Variants in FNTA observed in about 807,000 individuals in gnomAD.
FNTA encodes protein farnesyltransferase/geranylgeranyltransferase type-1 subunit alpha.
Under a neutral mutation model 55.2 loss-of-function variants are expected in FNTA, and 27 were observed. That is an observed-to-expected ratio of 0.49 (90% CI 0.36 to 0.67). The LOEUF (loss-of-function observed/expected upper bound fraction) is 0.67, where lower values mean the gene tolerates loss of function less well. Among genes scored for constraint, FNTA ranks in the 30% least tolerant of loss-of-function variants. The probability of loss-of-function intolerance (pLI) is 0.00; values close to 1 mark genes in which losing one functional copy is unlikely to be tolerated. For synonymous variants in FNTA, 176 were observed against 170.7 expected, an observed-to-expected ratio of 1.03 and a Z score of -0.24; for missense variants, 422 against 464.7, an observed-to-expected ratio of 0.91 and a Z score of 0.85.
chr8:43,085,229 C>T lies in FNTA; in HGVS notation c.1087C>T (p.Leu363Phe), dbSNP rs765188145. 1 of 1,608,012 alleles carries T rather than the reference C, an allele frequency of 6.2e-7. No individual in the cohort carries two copies. Among genetic ancestry groups the T allele is most frequent in the Non-Finnish European group, 8.5e-7 (1 of 1,177,678 alleles). ...ATATTGGAGATACATTGGAAGATCC[C>T]TTCAAAGCAAACACAGCACAGAAAA... ...KEYWRYIGRS[L>F]QSKHSTENDS... Residue 363 changes from leucine to phenylalanine, a missense_variant, in exon 9 of 9, where the codon CTT becomes TTT. Coordinates refer to ENST00000302279, the MANE Select transcript of FNTA (RefSeq NM_002027.3).
At chr8:43,063,130 G>C in intron 2 of FNTA, 2 of 343,494 alleles carry the variant, frequency 5.8e-6, no homozygotes, top group Non-Finnish European at 1.1e-5. Context: ...CTGTCACCCA[G>C]GCTCGGTGCT....
chr8:43,064,459 C>G (rs890830442), intron 3 of FNTA, among the ~76,000 whole-genome samples: 2 of 151,602 alleles, frequency 1.3e-5, no homozygotes, highest in African/African-American at 2.4e-5. Context: ...ATTACGGGCG[C>G]CCACCACCAC....
rs754643572 is a variant in FNTA at position 43,069,561 on chromosome 8, C to T, written c.408C>T (p.Phe136=). 5.6e-6 allele frequency: 9 copies of T among 1,607,904 alleles called. No homozygotes were observed. In the African/African-American group the frequency reaches 1.2e-4, roughly 22 times the overall value. The change falls in exon 4 of 9, where the codon TTC becomes TTT. Residue 136 remains phenylalanine, a synonymous_variant. Transcript: ENST00000302279. The stretch of plus-strand genomic sequence containing the variant: ...TGTTGTATGTTTGCCCTAGGCATTT[C>T]CGGAGAGTTCTTTTGAAGTCACTTC... The part of the protein sequence containing the change: ...LNAANYTVWH[F]RRVLLKSLQK...
chr8:43,056,350 G>C lies in FNTA; in HGVS notation c.4G>C (p.Ala2Pro). The C allele has an allele frequency of 7.1e-7, 1 of 1,415,510 alleles. No homozygotes were observed. Among genetic ancestry groups the C allele is most frequent in the Non-Finnish European group, 9.2e-7 (1 of 1,092,456 alleles). 87.7% of individuals were successfully genotyped at this position (1,415,510 alleles called of 1,614,324 possible). A position where few individuals can be genotyped will look rare whatever the true frequency, so the allele number is the denominator to read the frequency against. M[A>P]ATEGVGEAAQ... ...CTCAGCTGCGGACCGAGGCGAGATG[G>C]CGGCCACCGAGGGGGTCGGGGAGGC... Residue 2 changes from alanine to proline, a missense_variant, in exon 1 of 9, where the codon GCG becomes CCG. Physicochemically the swap from Ala to Pro is conservative, Grantham distance 27. Transcript: ENST00000302279.
intron 2 of FNTA, 142 bp from the exon 3 acceptor site, chr8:43,063,959 A>C (rs1810594754): frequency 1.6e-6 from 1 of 609,214 alleles, no homozygotes; most frequent in African/African-American, 1.9e-5. Flanking sequence ...GGTGGCGGCC[A>C]CAGCCATTTG....
At chr8:43,060,667 C>T (rs2130541823) in intron 2 of FNTA, among the ~76,000 whole-genome samples, 1 of 98,524 alleles carries the variant, frequency 1.0e-5, no homozygotes, top group Middle Eastern at 5.2e-3. Context: ...AAGAGCAAAA[C>T]TCTGTCTCAA....
At chr8:43,057,600 A>G (rs1319774146) in intron 1 of FNTA, among the ~76,000 whole-genome samples, 1 of 152,216 alleles carries the variant, frequency 6.6e-6, no homozygotes, top group African/African-American at 2.4e-5. Flanking sequence ...CACAATTACT[A>G]GCATTGCGCA....
At chr8:43,083,295 C>A (rs1811061142) in intron 7 of FNTA, 115 bp downstream of exon 7, 1 of 645,494 alleles carries the variant, frequency 1.5e-6, no homozygotes, top group Admixed American at 2.9e-5. Flanking sequence ...TTTCATTTTT[C>A]TGAACCTAAG....
intron 2 of FNTA, among the ~76,000 whole-genome samples, chr8:43,062,209 ATGTAT>A (rs1173948357): frequency 2.0e-5 from 3 of 148,210 alleles, no homozygotes; most frequent in African/African-American, 7.4e-5. Flanking sequence ...GTGTAAGATA[ATGTAT>A]TATATATATA....
At position 43,084,900 on chromosome 8, in the gene FNTA, G is replaced by A. The variant is rs1330397926; in HGVS notation, c.1017+19G>A. The A allele has an allele frequency of 6.2e-7, 1 of 1,608,152 alleles. No homozygotes were observed. The highest frequency in any genetic ancestry group is 8.5e-7 in the Non-Finnish European group (1 of 1,177,148). Reference sequence around the variant, plus strand: ...ATTAGAGGTAAGCTGGTGGGGCTCAGTGCTGTCATTTTTGGTATCTCAGAA... The same window carrying A: ...ATTAGAGGTAAGCTGGTGGGGCTCAATGCTGTCATTTTTGGTATCTCAGAA... On this transcript the variant is annotated intron_variant, in intron 8 of 8. Transcript: ENST00000302279.
At position 43,056,432 on chromosome 8, in the gene FNTA, C is replaced by G; in HGVS notation, c.86C>G (p.Pro29Arg). 2 of 1,538,612 alleles carry G rather than the reference C, an allele frequency of 1.3e-6. No homozygotes were observed. The highest frequency in any genetic ancestry group is 8.7e-7 in the Non-Finnish European group (1 of 1,145,926). Reference sequence around the variant, plus strand: ...CAACCCCCGCCCCAGCCGCACCCACCGCCGCCCCAGCAGCAGCACAAGGAA... The same window carrying G: ...CAACCCCCGCCCCAGCCGCACCCACGGCCGCCCCAGCAGCAGCACAAGGAA... ...PAQPPPQPHPPPPQQQHKEEM... is the reference protein window; with the variant it reads ...PAQPPPQPHPRPPQQQHKEEM... Residue 29 changes from proline (P) to arginine (R), a missense_variant, in exon 1 of 9, where the codon CCG (proline) becomes CGG (arginine). Coordinates refer to ENST00000302279, the MANE Select transcript of FNTA (RefSeq NM_002027.3).
chr8:43,058,318 C>A (rs1810457743), intron 1 of FNTA, among the ~76,000 whole-genome samples: 1 of 152,186 alleles, frequency 6.6e-6, no homozygotes, highest in African/African-American at 2.4e-5. Context: ...CAGAGCCTGT[C>A]TTATTAATGA....
intron 1 of FNTA, among the ~76,000 whole-genome samples, chr8:43,057,654 G>A (rs1188439297): frequency 6.6e-6 from 1 of 152,134 alleles, no homozygotes; most frequent in Non-Finnish European, 1.5e-5. Context: ...GATCATTATA[G>A]AGAAATAAAA....
At chr8:43,084,947 A>G in intron 8 of FNTA, 66 bp downstream of exon 8, 1 of 1,440,602 alleles carries the variant, frequency 6.9e-7, no homozygotes, top group Non-Finnish European at 9.7e-7. Flanking sequence ...AATACCACTA[A>G]TATCCATGTC....
At chr8:43,068,627 T>A (rs930819637) in intron 3 of FNTA, among the ~76,000 whole-genome samples, 2 of 151,144 alleles carry the variant, frequency 1.3e-5, no homozygotes, top group Non-Finnish European at 3.0e-5. Context: ...ACCAGAGTAG[T>A]ACCTGAAAAT....
intron 7 of FNTA, 67 bp from the exon 8 acceptor site, chr8:43,084,643 T>G: frequency 8.7e-6 from 11 of 1,269,146 alleles, no homozygotes; most frequent in African/African-American, 3.0e-5. Context: ...TATTTTCTCT[T>G]GATCTTTCTA....
rs747697107 is a variant in FNTA at position 43,069,587 on chromosome 8, A to T, written c.434A>T (p.Gln145Leu). Reference protein sequence around the residue: ...HFRRVLLKSLQKDLHEEMNYI... With the variant: ...HFRRVLLKSLLKDLHEEMNYI... ...CGGAGAGTTCTTTTGAAGTCACTTCAGAAGGATCTACATGAGGAAATGAAC... is the reference window on the plus strand; with the variant it reads ...CGGAGAGTTCTTTTGAAGTCACTTCTGAAGGATCTACATGAGGAAATGAAC... Residue 145 changes from glutamine (Q) to leucine (L), a missense_variant, in exon 4 of 9, where the codon CAG becomes CTG. Transcript: ENST00000302279. 39 of 1,613,462 alleles carry T rather than the reference A, an allele frequency of 2.4e-5. No homozygotes were observed. In the South Asian group the frequency reaches 4.1e-4, roughly 17 times the overall value.
chr8:43,064,555 T>C (rs1381584329), intron 3 of FNTA, among the ~76,000 whole-genome samples: 2 of 152,202 alleles, frequency 1.3e-5, no homozygotes, highest in Non-Finnish European at 2.9e-5. Flanking sequence ...CTTAAGGTGA[T>C]CCACTCCCCG....
At chr8:43,067,007 C>G (rs180809616) in intron 3 of FNTA, among the ~76,000 whole-genome samples, 10 of 152,274 alleles carry the variant, frequency 6.6e-5, no homozygotes, top group Admixed American at 2.0e-4. Flanking sequence ...CAGATCTTAT[C>G]CTGTTGTAAT....
Sources: gnomAD v4.1 joint callset for allele counts (sites outside exome capture counted in the v4.1 genomes callset) on GRCh38, gnomAD v4.1.1 for gene constraint, MANE v1.5 for transcripts, NCBI Gene and HGNC (gene_info 2026-07-23, HGNC 2026-07-21) for gene names.